SOX6: variants seen among roughly 807,000 people sequenced by gnomAD.
SOX6 encodes SRY-box transcription factor 6.
In SOX6, 11 loss-of-function variants were observed where a neutral mutation model predicts 97.8. That is an observed-to-expected ratio of 0.11 (90% CI 0.07 to 0.19). The LOEUF is 0.19. SOX6 is among the 10% of genes least tolerant of loss of function. SOX6 has a pLI of 1.00. For missense variants in SOX6, 810 were observed against 1,039.5 expected (o/e 0.78, Z 3.04); for synonymous variants, 360 against 371.4 (o/e 0.97, Z 0.35).
intron 2 of SOX6, among the ~76,000 whole-genome samples, chr11:16,731,693 T>C (rs1247621485): frequency 6.6e-6 from 1 of 152,182 alleles, no homozygotes; most frequent in East Asian, 1.9e-4. Context: ...AAGACAAGGA[T>C]ACCCTCTCTC....
intron 1 of SOX6, among the ~76,000 whole-genome samples, chr11:16,373,636 C>T (rs1857551970): frequency 6.6e-6 from 1 of 151,930 alleles, no homozygotes; most frequent in Admixed American, 6.6e-5. Flanking sequence ...CAGGCATTGT[C>T]AATTTTTTAT....
At chr11:16,536,967 G>C (rs757800581) in intron 4 of SOX6, among the ~76,000 whole-genome samples, 3 of 152,180 alleles carry the variant, frequency 2.0e-5, no homozygotes, top group Non-Finnish European at 4.4e-5. Context: ...CCAGCACAGC[G>C]TTTGAGCTCT....
At chr11:16,439,966 T>C (rs1859471831) in intron 1 of SOX6, among the ~76,000 whole-genome samples, 1 of 152,192 alleles carries the variant, frequency 6.6e-6, no homozygotes. Context: ...ATTTAAACTA[T>C]CTATTGCACA....
intron 6 of SOX6, among the ~76,000 whole-genome samples, chr11:16,178,117 T>C (rs1021115420): frequency 3.4e-4 from 52 of 151,966 alleles, no homozygotes; most frequent in African/African-American, 1.3e-3. Flanking sequence ...AACTAGCTGA[T>C]TCCATTGAGT....
intron 4 of SOX6, among the ~76,000 whole-genome samples, chr11:16,535,451 T>G (rs557432219): frequency 6.6e-6 from 1 of 152,180 alleles, no homozygotes; most frequent in Non-Finnish European, 1.5e-5. Context: ...GGTGGGCAGA[T>G]CACTTGATCT....
chr11:16,654,480 G>C (rs1847696768), intron 3 of SOX6, among the ~76,000 whole-genome samples: 3 of 151,902 alleles, frequency 2.0e-5, no homozygotes, highest in Admixed American at 6.6e-5. Flanking sequence ...AAGAGAGACA[G>C]AGTTTTGCTA....
chr11:16,411,861 TA>T (rs1858826804), intron 1 of SOX6, among the ~76,000 whole-genome samples: 1 of 152,188 alleles, frequency 6.6e-6, no homozygotes, highest in South Asian at 2.1e-4. Context: ...GTGAGAGCTT[TA>T]ATTTGAAGCA....
intron 4 of SOX6, among the ~76,000 whole-genome samples, chr11:16,581,960 CAAA>C (rs35137027): frequency 1.6e-4 from 17 of 106,454 alleles, no homozygotes; most frequent in East Asian, 2.6e-4. Flanking sequence ...GACTCCATCT[CAAA>C]AAAAAAAAAA....
At chr11:16,205,467 A>T (rs952404117) in intron 4 of SOX6, among the ~76,000 whole-genome samples, 2 of 152,118 alleles carry the variant, frequency 1.3e-5, no homozygotes, top group Admixed American at 1.3e-4. Context: ...GTAAGAGCTT[A>T]TGTAAAATAT....
intron 6 of SOX6, among the ~76,000 whole-genome samples, chr11:16,119,953 G>A (rs770582077): frequency 1.1e-4 from 16 of 152,244 alleles, no homozygotes; most frequent in Middle Eastern, 3.4e-3. Flanking sequence ...ATTTTCTAGA[G>A]CATTTGAGAA....
chr11:16,632,658 G>C (rs1352965288), intron 3 of SOX6, among the ~76,000 whole-genome samples: 3 of 152,202 alleles, frequency 2.0e-5, no homozygotes, highest in Non-Finnish European at 2.9e-5. Context: ...GAATCGAATA[G>C]GTGAGCACCA....
chr11:16,321,158 G>A (rs192647883), intron 2 of SOX6, among the ~76,000 whole-genome samples: 12 of 150,838 alleles, frequency 8.0e-5, no homozygotes, highest in South Asian at 4.2e-4. Context: ...AATAAAGTCC[G>A]TATTAGACAT....
At chr11:16,028,028 G>C (rs1855260145) in intron 12 of SOX6, among the ~76,000 whole-genome samples, 1 of 152,178 alleles carries the variant, frequency 6.6e-6, no homozygotes. Flanking sequence ...ATACTTGCAG[G>C]ACTGAACTCT....
intron 6 of SOX6, among the ~76,000 whole-genome samples, chr11:16,135,476 G>A (rs1849936955): frequency 6.6e-6 from 1 of 152,112 alleles, no homozygotes. Context: ...ATATCAACAT[G>A]AACAGGAATT....
At chr11:16,086,772 G>A (rs2047993378) in intron 9 of SOX6, among the ~76,000 whole-genome samples, 1 of 152,154 alleles carries the variant, frequency 6.6e-6, no homozygotes, top group African/African-American at 2.4e-5. Context: ...TTTTATCACA[G>A]TAGTTCTACT....
intron 4 of SOX6, among the ~76,000 whole-genome samples, chr11:16,541,628 AC>A (rs1258252270): frequency 6.6e-6 from 1 of 152,194 alleles, no homozygotes; most frequent in African/African-American, 2.4e-5. Flanking sequence ...AAGAAAAAAA[AC>A]AACCCTATCA....
intron 12 of SOX6, among the ~76,000 whole-genome samples, chr11:16,041,337 A>T (rs756020747): frequency 1.6e-4 from 24 of 152,122 alleles, no homozygotes; most frequent in African/African-American, 5.5e-4. Flanking sequence ...AATAACAAGG[A>T]GCTATGGTAA....
At position 15,971,956 on chromosome 11, in the gene SOX6, A is replaced by G. The variant is rs776938335; in HGVS notation, c.*853T>C. The G allele has an allele frequency of 6.6e-6, 1 of 152,670 alleles. No homozygotes were observed. Among genetic ancestry groups the G allele is most frequent in the Non-Finnish European group, 1.5e-5 (1 of 68,058 alleles). The allele number at this position is 152,670 out of a possible 1,614,324, so 9.5% of individuals were successfully genotyped here. A position where few individuals can be genotyped will look rare whatever the true frequency, so the allele number is the denominator to read the frequency against. On this transcript the variant is annotated 3_prime_UTR_variant, in exon 16 of 16. Transcript: ENST00000683767. The stretch of plus-strand genomic sequence containing the variant: ...AGTGAGAGGTGGTCTCAGGCAGAGA[A>G]GACCACTCTGTCGATATCTGGTGTG...
chr11:16,126,311 C>CA (rs1170872864), intron 6 of SOX6, among the ~76,000 whole-genome samples: 1 of 152,042 alleles, frequency 6.6e-6, no homozygotes, highest in African/African-American at 2.4e-5. Flanking sequence ...ATGAATGACA[C>CA]AAAATCCAGT....
Sources: allele counts gnomAD v4.1 joint callset (sites outside exome capture counted in the v4.1 genomes callset), GRCh38; gene constraint gnomAD v4.1.1; transcripts MANE v1.5; gene names NCBI Gene and HGNC (gene_info 2026-07-23, HGNC 2026-07-21).